ZNF827: variants seen among roughly 807,000 people sequenced by gnomAD.
The protein encoded by ZNF827 is zinc finger protein 827.
Under a neutral mutation model 102.4 loss-of-function variants are expected in ZNF827, and 13 were observed. The observed-to-expected ratio is 0.13, with a 90% CI of 0.08 to 0.20. ZNF827 has a LOEUF of 0.20. ZNF827 is among the 10% of genes least tolerant of loss of function. The pLI, the probability that ZNF827 is intolerant of heterozygous loss-of-function variation, is 1.00. For missense variants in ZNF827, 1,103 were observed against 1,344.4 expected, an observed-to-expected ratio of 0.82 and a Z score of 2.81; for synonymous variants, 523 against 536.2, an observed-to-expected ratio of 0.98 and a Z score of 0.34.
chr4:145,779,751 A>T (rs1560912428), intron 8 of ZNF827, among the ~76,000 whole-genome samples: 1 of 152,176 alleles, frequency 6.6e-6, no homozygotes, highest in Non-Finnish European at 1.5e-5. Flanking sequence ...CTCTTTCTTC[A>T]CTAAAGACCA....
intron 1 of ZNF827, among the ~76,000 whole-genome samples, chr4:145,935,296 T>A (rs1297168781): frequency 6.6e-6 from 1 of 152,224 alleles, no homozygotes; most frequent in Non-Finnish European, 1.5e-5. Context: ...TACAATTATA[T>A]TCGACATTAA....
intron 8 of ZNF827, among the ~76,000 whole-genome samples, chr4:145,791,605 T>C (rs1739713197): frequency 6.6e-6 from 1 of 152,222 alleles, no homozygotes; most frequent in South Asian, 2.1e-4. Flanking sequence ...CCATCTCTAT[T>C]ATATCATTCT....
At chr4:145,862,393 A>G (rs1180011717) in intron 5 of ZNF827, among the ~76,000 whole-genome samples, 1 of 152,190 alleles carries the variant, frequency 6.6e-6, no homozygotes, top group African/African-American at 2.4e-5. Context: ...TTACCTTATT[A>G]AAGTGATCTG....
At chr4:145,782,372 C>G (rs1199658352) in intron 8 of ZNF827, among the ~76,000 whole-genome samples, 1 of 152,130 alleles carries the variant, frequency 6.6e-6, no homozygotes, top group African/African-American at 2.4e-5. Context: ...TGAGATGAAG[C>G]TGAAATGGGG....
intron 8 of ZNF827, among the ~76,000 whole-genome samples, chr4:145,796,965 A>G (rs1223915773): frequency 6.6e-6 from 1 of 152,106 alleles, no homozygotes; most frequent in Non-Finnish European, 1.5e-5. Context: ...TGTGGTAGGT[A>G]CTACCTTCAT....
intron 4 of ZNF827, among the ~76,000 whole-genome samples, chr4:145,873,541 T>C (rs1448324030): frequency 1.3e-5 from 2 of 152,218 alleles, no homozygotes; most frequent in African/African-American, 4.8e-5. Flanking sequence ...TCACTTGAAC[T>C]AGAGCATTAC....
intron 1 of ZNF827, among the ~76,000 whole-genome samples, chr4:145,929,049 C>T (rs1753628271): frequency 6.6e-6 from 1 of 152,146 alleles, no homozygotes. Flanking sequence ...CTCCGATTTC[C>T]AAAATGTTGT....
chr4:145,856,386 G>T (rs143450642), intron 5 of ZNF827, among the ~76,000 whole-genome samples: 134 of 152,226 alleles, frequency 8.8e-4, no homozygotes, highest in African/African-American at 3.0e-3. Context: ...TTTATCTACA[G>T]TGTGGCCCTT....
chr4:145,790,233 T>G (rs1409125031), intron 8 of ZNF827, among the ~76,000 whole-genome samples: 2 of 152,174 alleles, frequency 1.3e-5, no homozygotes, highest in Non-Finnish European at 2.9e-5. Context: ...AGGAAAAACA[T>G]TATCATTGTT....
At chr4:145,916,029 G>A (rs572529226) in intron 1 of ZNF827, among the ~76,000 whole-genome samples, 3 of 152,292 alleles carry the variant, frequency 2.0e-5, no homozygotes, top group Non-Finnish European at 4.4e-5. Flanking sequence ...CTGTACACTG[G>A]GGTGGGGGTT....
intron 7 of ZNF827, among the ~76,000 whole-genome samples, chr4:145,843,071 T>A (rs1745579075): frequency 6.6e-6 from 1 of 152,080 alleles, no homozygotes. Flanking sequence ...AAATTGGCAT[T>A]TTTTTTTCTG....
intron 1 of ZNF827, among the ~76,000 whole-genome samples, chr4:145,918,066 C>T (rs59255307): frequency 0.028 from 4,265 of 152,178 alleles, 189 homozygotes; most frequent in African/African-American, 0.095. Context: ...AAAGTAATTA[C>T]GGTTTTGCCA....
intron 4 of ZNF827, among the ~76,000 whole-genome samples, chr4:145,884,712 T>C (rs1368252563): frequency 6.6e-6 from 1 of 152,132 alleles, no homozygotes; most frequent in Non-Finnish European, 1.5e-5. Flanking sequence ...TTAAATCAAA[T>C]ATGTTGGGAA....
chr4:145,918,428 C>T (rs529178289), intron 1 of ZNF827, among the ~76,000 whole-genome samples: 1 of 136,002 alleles, frequency 7.4e-6, no homozygotes, highest in Admixed American at 7.7e-5. Flanking sequence ...AAAAAAAAAG[C>T]GGAATGGTGC....
At chr4:145,848,027 C>T (rs1746152290) in intron 6 of ZNF827, among the ~76,000 whole-genome samples, 1 of 152,178 alleles carries the variant, frequency 6.6e-6, no homozygotes. Context: ...TGAGAACTCT[C>T]AGACCCAAAC....
intron 11 of ZNF827, among the ~76,000 whole-genome samples, chr4:145,771,890 G>T (rs1473671416): frequency 6.6e-6 from 1 of 152,174 alleles, no homozygotes; most frequent in African/African-American, 2.4e-5. Flanking sequence ...TCAAATTAGA[G>T]AACAAGGCTC....
chr4:145,907,848 A>G (rs980888219), intron 1 of ZNF827, among the ~76,000 whole-genome samples: 4 of 152,268 alleles, frequency 2.6e-5, no homozygotes, highest in Non-Finnish European at 4.4e-5. Context: ...AATCAGAAAC[A>G]CAAAGAATTA....
chr4:145,865,687 C>T, intron 5 of ZNF827, among the ~76,000 whole-genome samples: 1 of 152,202 alleles, frequency 6.6e-6, no homozygotes, highest in Admixed American at 6.5e-5. Flanking sequence ...AAACACATTT[C>T]CACTCAATAC....
intron 5 of ZNF827, 117 bp from the exon 6 acceptor site, chr4:145,849,678 G>T: frequency 6.8e-7 from 1 of 1,462,910 alleles, no homozygotes. Context: ...AGAAAAATGA[G>T]CGTGCACGGC....
Sources: allele counts gnomAD v4.1 joint callset (sites outside exome capture counted in the v4.1 genomes callset), GRCh38; gene constraint gnomAD v4.1.1; transcripts MANE v1.5; gene names NCBI Gene and HGNC (gene_info 2026-07-23, HGNC 2026-07-21).